SYNDIG1: variants seen among roughly 807,000 people sequenced by gnomAD.
SYNDIG1 encodes the protein synapse differentiation inducing 1.
A neutral mutation model predicts 19.4 loss-of-function variants in SYNDIG1; 9 were observed. The observed-to-expected ratio is 0.46, with a 90% confidence interval of 0.28 to 0.81. The LOEUF (loss-of-function observed/expected upper bound fraction) is 0.81. SYNDIG1 is among the 30% of genes least tolerant of loss of function. SYNDIG1 has a pLI of 0.12. For synonymous variants in SYNDIG1, 141 were observed against 145.9 expected (o/e 0.97, Z 0.24); for missense variants, 311 against 343.3 (o/e 0.91, Z 0.74).
intron 3 of SYNDIG1, among the ~76,000 whole-genome samples, chr20:24,611,839 CTTG>C (rs904650546): frequency 3.9e-5 from 6 of 152,200 alleles, no homozygotes; most frequent in African/African-American, 1.4e-4. Context: ...CCAGAGCCCT[CTTG>C]TTGTTACTGT....
chr20:24,626,365 G>A (rs752135106), intron 3 of SYNDIG1, among the ~76,000 whole-genome samples: 11 of 151,476 alleles, frequency 7.3e-5, no homozygotes, highest in African/African-American at 7.3e-5. Flanking sequence ...CAGACAGGAC[G>A]GCCGGGCAGA....
At chr20:24,476,499 C>T (rs2055630282) in intron 1 of SYNDIG1, among the ~76,000 whole-genome samples, 1 of 151,982 alleles carries the variant, frequency 6.6e-6, no homozygotes, top group Admixed American at 6.5e-5. Flanking sequence ...GAAACCCCAT[C>T]TCTACCAAAA....
chr20:24,638,966 G>T (rs527490014), intron 3 of SYNDIG1, among the ~76,000 whole-genome samples: 22 of 152,332 alleles, frequency 1.4e-4, no homozygotes, highest in East Asian at 1.2e-3. Context: ...TGGACTGGAA[G>T]ACAACCTGCT....
At chr20:24,578,181 G>A (rs1254778107) in intron 2 of SYNDIG1, among the ~76,000 whole-genome samples, 1 of 152,146 alleles carries the variant, frequency 6.6e-6, no homozygotes, top group African/African-American at 2.4e-5. Flanking sequence ...GATGGCTCAC[G>A]CCTGTAATGC....
At chr20:24,482,112 A>T (rs896366184) in intron 1 of SYNDIG1, among the ~76,000 whole-genome samples, 1 of 152,228 alleles carries the variant, frequency 6.6e-6, no homozygotes, top group Non-Finnish European at 1.5e-5. Flanking sequence ...AGCTCATGCC[A>T]TGGAGAAAAA....
intron 1 of SYNDIG1, among the ~76,000 whole-genome samples, chr20:24,478,830 T>C (rs561048651): frequency 3.5e-4 from 54 of 152,252 alleles, no homozygotes; most frequent in African/African-American, 1.3e-3. Context: ...CCCACAGAAC[T>C]CACAGGCAGG....
chr20:24,629,386 C>A (rs186264281), intron 3 of SYNDIG1, among the ~76,000 whole-genome samples: 1 of 152,224 alleles, frequency 6.6e-6, no homozygotes, highest in African/African-American at 2.4e-5. Context: ...GCAAGAGAAT[C>A]AAAACTGACT....
intron 3 of SYNDIG1, among the ~76,000 whole-genome samples, chr20:24,589,309 A>G (rs897365271): frequency 2.6e-5 from 4 of 152,250 alleles, no homozygotes; most frequent in African/African-American, 9.6e-5. Context: ...AATAAGTAAC[A>G]GAAATCACAG....
At chr20:24,594,203 C>A (rs1246866132) in intron 3 of SYNDIG1, among the ~76,000 whole-genome samples, 1 of 152,032 alleles carries the variant, frequency 6.6e-6, no homozygotes, top group Non-Finnish European at 1.5e-5. Flanking sequence ...TGAATTCATT[C>A]GTGTATACAG....
intron 1 of SYNDIG1, among the ~76,000 whole-genome samples, chr20:24,541,886 G>A (rs2057475967): frequency 6.6e-6 from 1 of 152,194 alleles, no homozygotes; most frequent in South Asian, 2.1e-4. Flanking sequence ...ACCCTAGATG[G>A]CAGCCTCATT....
intron 3 of SYNDIG1, among the ~76,000 whole-genome samples, chr20:24,629,146 G>A (rs1206699555): frequency 6.6e-6 from 1 of 152,246 alleles, no homozygotes; most frequent in Non-Finnish European, 1.5e-5. Context: ...GAGCCAGAAA[G>A]GCCGGCTCTG....
chr20:24,580,514 A>C (rs1281750783), intron 2 of SYNDIG1, among the ~76,000 whole-genome samples: 1 of 152,122 alleles, frequency 6.6e-6, no homozygotes. Context: ...GGGTTCAAGC[A>C]ATCTTCTGCC....
chr20:24,635,050 G>A (rs913099672), intron 3 of SYNDIG1, among the ~76,000 whole-genome samples: 6 of 152,246 alleles, frequency 3.9e-5, no homozygotes, highest in African/African-American at 1.2e-4. Flanking sequence ...TTCCTTGCCT[G>A]TTCTGAGGGG....
chr20:24,494,239 A>G (rs1267279408), intron 1 of SYNDIG1, among the ~76,000 whole-genome samples: 1 of 152,170 alleles, frequency 6.6e-6, no homozygotes, highest in African/African-American at 2.4e-5. Flanking sequence ...CTTGTGGTGT[A>G]AGGGAAGATA....
At chr20:24,613,587 G>A (rs1465613078) in intron 3 of SYNDIG1, among the ~76,000 whole-genome samples, 2 of 151,962 alleles carry the variant, frequency 1.3e-5, no homozygotes, top group Admixed American at 6.6e-5. Flanking sequence ...CCCCTGCCTT[G>A]GCACCTCCAC....
Position 24,576,013 on chromosome 20 carries a change from G to T in SYNDIG1, c.481-8843G>T, listed in dbSNP as rs150619860. Reference sequence around the variant, plus strand: ...GAGCACAGTGAGAAACCACTGCATCGGTGACAGCACGAAAGTCCCTCTCCT... The same window carrying T: ...GAGCACAGTGAGAAACCACTGCATCTGTGACAGCACGAAAGTCCCTCTCCT... On this transcript the variant is annotated intron_variant, in intron 2 of 3. Transcript: ENST00000376862. Among the ~76,000 whole-genome samples the T allele has an allele frequency of 3.3e-5, 5 of 151,996 alleles. 1 individual carries two copies. In the East Asian group the frequency reaches 9.6e-4, roughly 29 times the overall value.
At chr20:24,661,533 G>GGAGGAAGGAGGGAGAGAGGAAAAAAGA (rs2059600746) in intron 3 of SYNDIG1, among the ~76,000 whole-genome samples, 1 of 34,742 alleles carries the variant, frequency 2.9e-5, no homozygotes, top group Admixed American at 2.5e-4. Context: ...GAGGAAAAAA[G>GGAGGAAGGAGGGAGAGAGGAAAAAAGA]GAGGAAGGAG....
chr20:24,593,289 A>G (rs147372217), intron 3 of SYNDIG1, among the ~76,000 whole-genome samples: 1 of 152,322 alleles, frequency 6.6e-6, no homozygotes, highest in East Asian at 1.9e-4. Context: ...AAGTCAGAAC[A>G]TGCAGTATTT....
chr20:24,583,056 G>A (rs1193525618), intron 2 of SYNDIG1, among the ~76,000 whole-genome samples: 7 of 152,222 alleles, frequency 4.6e-5, no homozygotes, highest in East Asian at 1.9e-4. Context: ...AAAATATGCC[G>A]TACCAGGGAG....
Sources: allele counts gnomAD v4.1 joint callset (sites outside exome capture counted in the v4.1 genomes callset), GRCh38; gene constraint gnomAD v4.1.1; transcripts MANE v1.5; gene names NCBI Gene and HGNC (gene_info 2026-07-23, HGNC 2026-07-21).